The following UNC79 variants were observed in gnomAD, a reference collection of about 807,000 sequenced individuals.
The protein encoded by UNC79 is protein unc-79 homolog.
A neutral mutation model predicts 283.1 loss-of-function variants in UNC79; 37 were observed. The ratio of observed to expected loss-of-function variants is 0.13; its 90% CI spans 0.10 to 0.17. The LOEUF is 0.17. UNC79 is among the 10% of genes least tolerant of loss of function. UNC79 has a pLI of 1.00. For missense variants in UNC79, 2,272 were observed against 3,211.1 expected, an observed-to-expected ratio of 0.71 and a Z score of 7.07; for synonymous variants, 1,107 against 1,200.2, an observed-to-expected ratio of 0.92 and a Z score of 1.61.
chr14:93,534,339 G>A (rs59966608), intron 11 of UNC79, among the ~76,000 whole-genome samples: 2,921 of 152,198 alleles, frequency 0.019, 85 homozygotes, highest in African/African-American at 0.061. Context: ...AATCTGCTTC[G>A]TGCATGTAGG....
chr14:93,707,604 A>G (rs754535510), downstream of UNC79: 3 of 152,236 alleles, frequency 2.0e-5, no homozygotes, highest in Non-Finnish European at 4.4e-5. Context: ...TCTTTTGTTA[A>G]TACTTGTATA....
intron 14 of UNC79, among the ~76,000 whole-genome samples, chr14:93,546,124 A>G (rs1416520845): frequency 6.6e-6 from 1 of 152,222 alleles, no homozygotes; most frequent in African/African-American, 2.4e-5. Context: ...TGTTATCCGC[A>G]GGAATAATTG....
At chr14:93,606,994 C>T (rs2065931819) in intron 26 of UNC79, among the ~76,000 whole-genome samples, 1 of 152,106 alleles carries the variant, frequency 6.6e-6, no homozygotes, top group Non-Finnish European at 1.5e-5. Context: ...GCCCAGAGGT[C>T]CTGAGCTCTG....
At chr14:93,424,565 G>A (rs953834317) in intron 1 of UNC79, among the ~76,000 whole-genome samples, 3 of 152,110 alleles carry the variant, frequency 2.0e-5, no homozygotes, top group Admixed American at 6.5e-5. Flanking sequence ...GCAATGACAT[G>A]GATGGAACTA....
chr14:93,431,556 G>A (rs911933754), intron 1 of UNC79, among the ~76,000 whole-genome samples: 6 of 152,072 alleles, frequency 3.9e-5, no homozygotes, highest in East Asian at 1.9e-4. Context: ...GGAGAGAAGG[G>A]GGAGGGAGCA....
Position 93,621,712 on chromosome 14 carries a change from G to T in UNC79, c.4479G>T (p.Lys1493Asn). 1 of 1,613,778 alleles carries T rather than the reference G, an allele frequency of 6.2e-7. No individual in the cohort carries two copies. The highest frequency in any genetic ancestry group is 8.5e-7 in the Non-Finnish European group (1 of 1,179,892). ...GAGAAGAAAGCATTCCGAAAAAAAA[G>T]CTACGCTCTTTCAAACAAAAATCTC... The change falls in exon 30 of 49, where the codon AAG (lysine) becomes AAT (asparagine). Residue 1493 changes from lysine to asparagine, a missense_variant. By Grantham distance (94) the Lys-to-Asn change is moderately conservative. Around this residue, in one of 11 missense-constraint regions of UNC79, gnomAD observed 580 missense variants for 632.2 expected, o/e 0.92. Transcript: ENST00000555664. The surrounding 1 kb of genome is among the most constrained non-coding windows in gnomAD (Gnocchi z 4.8).
exon 1 of UNC79, chr14:93,333,267 C>T (rs895498749): frequency 4.9e-5 from 15 of 308,832 alleles, no homozygotes; most frequent in Non-Finnish European, 7.9e-5. Flanking sequence ...TGGGAGTTTG[C>T]CTCTTGTGGC....
intron 22 of UNC79, among the ~76,000 whole-genome samples, chr14:93,592,440 C>T (rs781469059): frequency 7.9e-5 from 12 of 152,074 alleles, no homozygotes; most frequent in Non-Finnish European, 1.3e-4. Flanking sequence ...TCCCAAAGTG[C>T]TGGGATTACA....
In UNC79 at chr14:93,626,109, C is replaced by T. The variant is rs1162646168; in HGVS notation, c.5608+3268C>T. ...ATCATTTTAAATTAATGGCCATGAACCTCAACTGGGTCCTTCAACCTGACA... is the reference window on the plus strand; with the variant it reads ...ATCATTTTAAATTAATGGCCATGAATCTCAACTGGGTCCTTCAACCTGACA... On this transcript the variant is annotated intron_variant, in intron 30 of 48. Coordinates refer to ENST00000555664, the Ensembl canonical transcript of UNC79. Among the ~76,000 whole-genome samples, 3 of 152,098 alleles carry T rather than the reference C, an allele frequency of 2.0e-5. No homozygotes were observed. The East Asian group carries it at 5.8e-4, about 29-fold the overall frequency.
intron 14 of UNC79, among the ~76,000 whole-genome samples, chr14:93,545,936 C>T (rs181411437): frequency 6.6e-6 from 1 of 152,176 alleles, no homozygotes; most frequent in African/African-American, 2.4e-5. Context: ...ATGTTTGCTG[C>T]TGCTGATGGT....
chr14:93,490,682 C>T (rs1158899080), intron 5 of UNC79, among the ~76,000 whole-genome samples: 1 of 152,166 alleles, frequency 6.6e-6, no homozygotes, highest in Non-Finnish European at 1.5e-5. Flanking sequence ...CGTATTTATA[C>T]TAACATTCTC....
chr14:93,553,702 T>A (rs1028647217), intron 14 of UNC79, among the ~76,000 whole-genome samples: 10 of 152,206 alleles, frequency 6.6e-5, no homozygotes, highest in African/African-American at 2.4e-4. Flanking sequence ...CATATAACTA[T>A]GGAATACATA....
At chr14:93,567,837 C>T (rs1007660006) in intron 14 of UNC79, among the ~76,000 whole-genome samples, 2 of 152,156 alleles carry the variant, frequency 1.3e-5, no homozygotes, top group African/African-American at 2.4e-5. Context: ...CCAAGGTGCT[C>T]GGGCACAGCT....
intron 47 of UNC79, among the ~76,000 whole-genome samples, chr14:93,699,579 T>C (rs1449487595): frequency 6.6e-6 from 1 of 152,184 alleles, no homozygotes; most frequent in East Asian, 1.9e-4. Context: ...ATGTCTTTGT[T>C]GTTGTGTTAG....
At chr14:93,412,823 C>T (rs2055362189) in intron 1 of UNC79, among the ~76,000 whole-genome samples, 1 of 151,900 alleles carries the variant, frequency 6.6e-6, no homozygotes. Flanking sequence ...GGAGAAATAC[C>T]TTCCCAGACA....
At chr14:93,577,033 A>G (rs894713400) in intron 17 of UNC79, among the ~76,000 whole-genome samples, 1 of 121,576 alleles carries the variant, frequency 8.2e-6, no homozygotes, top group Non-Finnish European at 1.9e-5. Context: ...TTGTCTCTAC[A>G]AAAAAATTTT....
intron 11 of UNC79, among the ~76,000 whole-genome samples, 165 bp from the exon 12 acceptor site, chr14:93,537,824 A>G (rs2141138514): frequency 6.6e-6 from 1 of 152,326 alleles, no homozygotes; most frequent in South Asian, 2.1e-4. Context: ...TTTTTTAACT[A>G]TGACTGAAAT....
Position 93,690,353 on chromosome 14 carries a change from G to A in UNC79, c.7272+50G>A. On this transcript the variant is annotated intron_variant, in intron 45 of 48. Coordinates refer to ENST00000555664, the Ensembl canonical transcript of UNC79. The surrounding 1 kb of genome is among the most constrained non-coding windows in gnomAD (Gnocchi z 4.3). Reference sequence around the variant, plus strand: ...ACCGTATGCATCGCAATTGCTAATGGAAACCTTATCAGCCAATTATGTTTC... The same window carrying A: ...ACCGTATGCATCGCAATTGCTAATGAAAACCTTATCAGCCAATTATGTTTC... 1 of 1,562,662 alleles carries A rather than the reference G, an allele frequency of 6.4e-7. No individual in the cohort carries two copies. The highest frequency in any genetic ancestry group is 8.7e-7 in the Non-Finnish European group (1 of 1,149,756).
intron 37 of UNC79, among the ~76,000 whole-genome samples, chr14:93,654,447 GATGGCTACATTACACTCCAAGTTGTA>G (rs879861357): frequency 0.011 from 1,683 of 152,046 alleles, 19 homozygotes; most frequent in South Asian, 0.021. Context: ...AGTGAGCTGT[GATGGCTACATTACACTCCAAGTTGTA>G]ATGGCTACAT....
Sources: allele counts gnomAD v4.1 joint callset (sites outside exome capture counted in the v4.1 genomes callset), GRCh38; gene constraint gnomAD v4.1.1; regional missense constraint gnomAD v4.1.1; non-coding constraint Gnocchi (gnomAD v3.1); transcripts MANE v1.5; gene names NCBI Gene and HGNC (gene_info 2026-07-23, HGNC 2026-07-21).